Variants in ANK3 observed in about 807,000 individuals in gnomAD.
The protein encoded by ANK3 is ankyrin 3.
A neutral mutation model predicts 370.9 loss-of-function variants in ANK3; 57 were observed. That is an observed-to-expected ratio of 0.15 (90% confidence interval 0.12 to 0.19). The LOEUF is 0.19. Ranked by LOEUF, ANK3 falls within the 10% of genes least tolerant of loss-of-function variation. The pLI, the probability that ANK3 is intolerant of heterozygous loss-of-function variation, is 1.00. For synonymous variants in ANK3, 1,929 were observed against 1,946.3 expected (o/e 0.99, Z 0.23); for missense variants, 4,439 against 5,302.1 (o/e 0.84, Z 5.06).
At chr10:60,600,439 A>C (rs920594997) in intron 2 of ANK3, among the ~76,000 whole-genome samples, 1 of 152,178 alleles carries the variant, frequency 6.6e-6, no homozygotes. Context: ...CAAAACTTAC[A>C]GCAGTCCCTA....
intron 9 of ANK3, among the ~76,000 whole-genome samples, chr10:60,210,909 A>G (rs1364427891): frequency 6.6e-6 from 1 of 152,174 alleles, no homozygotes; most frequent in Admixed American, 6.5e-5. Flanking sequence ...CCCAGTGTGT[A>G]GCACTACCCA....
chr10:60,250,416 G>C (rs1030805660), intron 7 of ANK3, among the ~76,000 whole-genome samples: 1 of 152,158 alleles, frequency 6.6e-6, no homozygotes, highest in South Asian at 2.1e-4. Flanking sequence ...CCAGGCTGGA[G>C]TGCAGTGGCA....
At chr10:60,309,336 G>T (rs1169448216) in intron 1 of ANK3, among the ~76,000 whole-genome samples, 1 of 152,176 alleles carries the variant, frequency 6.6e-6, no homozygotes, top group Admixed American at 6.5e-5. Context: ...TAAATGTGAA[G>T]CATGCAAAAC....
At chr10:60,635,799 C>A (rs1283304853) in intron 1 of ANK3, among the ~76,000 whole-genome samples, 2 of 151,686 alleles carry the variant, frequency 1.3e-5, no homozygotes, top group East Asian at 3.9e-4. Context: ...CCCCAGACAG[C>A]CTTTTCTCCC....
chr10:60,224,665 C>A (rs1409829214), intron 8 of ANK3, among the ~76,000 whole-genome samples: 1 of 151,446 alleles, frequency 6.6e-6, no homozygotes, highest in African/African-American at 2.4e-5. Flanking sequence ...TTTTCACCAG[C>A]AAAATAAATA....
chr10:60,275,866 G>A (rs2098083387), intron 4 of ANK3, among the ~76,000 whole-genome samples: 1 of 152,204 alleles, frequency 6.6e-6, no homozygotes, highest in Non-Finnish European at 1.5e-5. Context: ...GGAGAGAAGA[G>A]TGGGGGATGT....
chr10:60,070,636 C>A lies in ANK3; in HGVS notation c.10245G>T (p.Leu3415=), dbSNP rs1459327987. Residue 3415 remains leucine, a synonymous_variant, in exon 37 of 44, where the codon CTG becomes CTT. Transcript: ENST00000280772. The surrounding 1 kb of genome is among the most constrained non-coding windows in gnomAD (Gnocchi z 5.7). The stretch of plus-strand genomic sequence containing the variant: ...CTTCATCTTGCAGGTCATAGCCATC[C>A]AGAGAGTCGATCTCTGTGGCATCCG... ...HDTDATEIDS[L]DGYDLQDEDD... 3 of 1,614,148 alleles carry A rather than the reference C, an allele frequency of 1.9e-6. No individual in the cohort carries two copies. The highest frequency in any genetic ancestry group is 2.2e-5 in the South Asian group (2 of 91,082).
chr10:60,039,841 T>G (rs1320807354), intron 43 of ANK3, among the ~76,000 whole-genome samples: 2 of 152,206 alleles, frequency 1.3e-5, no homozygotes, highest in Admixed American at 1.3e-4. Flanking sequence ...ATTGTTATTA[T>G]TCTTTGTAAA....
At chr10:60,615,625 T>A (rs1203330674) in intron 1 of ANK3, among the ~76,000 whole-genome samples, 2 of 152,294 alleles carry the variant, frequency 1.3e-5, no homozygotes, top group South Asian at 2.1e-4. Flanking sequence ...AATGCTGGCA[T>A]CAGAAAACAT....
In ANK3 at chr10:60,588,245, C is replaced by T. The variant is rs988602942; in HGVS notation, c.96+26941G>A. The stretch of plus-strand genomic sequence containing the variant: ...TGTCACCCAGGCTGGAGTGCAGTGG[C>T]GCGATCTCAGCTCACTACAACCTCT... On this transcript the variant is annotated intron_variant, in intron 2 of 43. Coordinates refer to the ANK3 transcript ENST00000373827. 1.8e-4 allele frequency among the ~76,000 whole-genome samples: 27 copies of T among 150,654 alleles called. No homozygotes were observed. The South Asian group carries it at 1.9e-3, about 11-fold the overall frequency.
At chr10:60,541,728 T>G (rs909920875) in intron 2 of ANK3, among the ~76,000 whole-genome samples, 2 of 151,898 alleles carry the variant, frequency 1.3e-5, no homozygotes, top group African/African-American at 4.8e-5. Context: ...AGAATATGGT[T>G]TTGGCAAACG....
chr10:60,577,898 G>A (rs1239995565), intron 2 of ANK3, among the ~76,000 whole-genome samples: 1 of 152,182 alleles, frequency 6.6e-6, no homozygotes, highest in East Asian at 1.9e-4. Context: ...ATTCAGATAG[G>A]TGTGGGGCAT....
At chr10:60,608,834 T>C (rs2133314464) in intron 2 of ANK3, among the ~76,000 whole-genome samples, 1 of 152,266 alleles carries the variant, frequency 6.6e-6, no homozygotes, top group Admixed American at 6.5e-5. Flanking sequence ...AAATGTGGAG[T>C]ATGTGACATG....
At chr10:60,210,987 G>T (rs2096845765) in intron 9 of ANK3, among the ~76,000 whole-genome samples, 1 of 152,078 alleles carries the variant, frequency 6.6e-6, no homozygotes, top group Non-Finnish European at 1.5e-5. Flanking sequence ...ACTGAATGGG[G>T]AATTGGAAAG....
intron 2 of ANK3, chr10:60,508,473 C>T (rs974461126): frequency 2.6e-5 from 4 of 152,710 alleles, no homozygotes; most frequent in Admixed American, 2.6e-4. Context: ...CCAGCACTTA[C>T]CCTCTCTCTT....
chr10:60,532,789 T>C (rs1370649497), intron 2 of ANK3, among the ~76,000 whole-genome samples: 1 of 152,120 alleles, frequency 6.6e-6, no homozygotes, highest in Non-Finnish European at 1.5e-5. Context: ...TAATAAATGT[T>C]GCTATAACTG....
chr10:60,282,268 G>A (rs966940672), intron 1 of ANK3, among the ~76,000 whole-genome samples: 20 of 152,044 alleles, frequency 1.3e-4, no homozygotes, highest in Admixed American at 1.3e-4. Flanking sequence ...TAAAATAGAG[G>A]TATTATAATT....
chr10:60,654,310 T>C (rs2078833428), intron 1 of ANK3, among the ~76,000 whole-genome samples: 1 of 152,156 alleles, frequency 6.6e-6, no homozygotes, highest in Admixed American at 6.5e-5. Context: ...TTTTTCTTGC[T>C]TTACTACATT....
chr10:60,086,192 G>T (rs143192210), intron 30 of ANK3, among the ~76,000 whole-genome samples: 1 of 152,182 alleles, frequency 6.6e-6, no homozygotes, highest in Non-Finnish European at 1.5e-5. Flanking sequence ...TAAACTCTCG[G>T]ATTACACTGG....
Sources: allele counts gnomAD v4.1 joint callset (sites outside exome capture counted in the v4.1 genomes callset), GRCh38; gene constraint gnomAD v4.1.1; non-coding constraint Gnocchi (gnomAD v3.1); transcripts MANE v1.5; gene names NCBI Gene and HGNC (gene_info 2026-07-23, HGNC 2026-07-21).